Variants in NECTIN3 observed in about 807,000 individuals in gnomAD.
NECTIN3 encodes nectin cell adhesion molecule 3.
NECTIN3 carries 8 observed loss-of-function variants against 49.4 expected under a neutral mutation model. The observed-to-expected ratio is 0.16, with a 90% CI of 0.10 to 0.29. The LOEUF (loss-of-function observed/expected upper bound fraction) is 0.29, where lower values mean the gene tolerates loss of function less well. NECTIN3 is among the 10% of genes least tolerant of loss of function. The probability of loss-of-function intolerance (pLI) is 1.00; values close to 1 mark genes in which losing one functional copy is unlikely to be tolerated. For missense variants in NECTIN3, 581 were observed against 654.6 expected (o/e 0.89, Z 1.23); for synonymous variants, 277 against 241.1 (o/e 1.15, Z -1.38).
intron 1 of NECTIN3, among the ~76,000 whole-genome samples, chr3:111,106,218 G>A (rs2033175553): frequency 6.6e-6 from 1 of 152,062 alleles, no homozygotes; most frequent in South Asian, 2.1e-4. Context: ...TCATTAAAAT[G>A]CAAACTGTCT....
intron 2 of NECTIN3, among the ~76,000 whole-genome samples, chr3:111,113,707 T>A (rs765397584): frequency 2.6e-5 from 4 of 152,026 alleles, no homozygotes; most frequent in Non-Finnish European, 5.9e-5. Context: ...TAACACAAAG[T>A]ACTGTATGGC....
intron 1 of NECTIN3, among the ~76,000 whole-genome samples, chr3:111,088,541 G>A (rs748888560): frequency 6.6e-6 from 1 of 151,932 alleles, no homozygotes; most frequent in Non-Finnish European, 1.5e-5. Flanking sequence ...TTAAAGTTGA[G>A]GATATGATTT....
chr3:111,076,900 C>T (rs2031236483), intron 1 of NECTIN3, among the ~76,000 whole-genome samples: 1 of 150,722 alleles, frequency 6.6e-6, no homozygotes, highest in Non-Finnish European at 1.5e-5. Flanking sequence ...GCTTGAACCC[C>T]AGGGGGAGGA....
intron 6 of NECTIN3, chr3:111,145,109 G>A (rs2034842954): frequency 7.0e-7 from 1 of 1,437,514 alleles, no homozygotes; most frequent in Non-Finnish European, 9.4e-7. Flanking sequence ...TACCTTTACA[G>A]CTCCTCATAA....
At position 111,179,884 on chromosome 3, in the gene NECTIN3, C is replaced by G. The variant is rs1041866107; in HGVS notation, c.1222-12467C>G. ...CCAGCCTGGGTGACAGAGCAAGACTCTGTCTCAAAAAAAAAAAAAAAGATC... is the reference window on the plus strand; with the variant it reads ...CCAGCCTGGGTGACAGAGCAAGACTGTGTCTCAAAAAAAAAAAAAAAGATC... On this transcript the variant is annotated intron_variant, in intron 7 of 8. Coordinates refer to the NECTIN3 transcript ENST00000493615. 4.2e-5 allele frequency among the ~76,000 whole-genome samples: 5 copies of G among 119,058 alleles called. No homozygotes were observed. In the East Asian group the frequency reaches 1.2e-3, roughly 28 times the overall value. 78.1% of individuals were successfully genotyped at this position (119,058 alleles called of 152,430 possible).
chr3:111,144,799 CAT>C, intron 5 of NECTIN3: 1 of 1,325,858 alleles, frequency 7.5e-7, no homozygotes, highest in Non-Finnish European at 1.0e-6. Context: ...TCTTGGATAA[CAT>C]ACTTCAGTCA....
intron 1 of NECTIN3, among the ~76,000 whole-genome samples, chr3:111,106,508 TTC>T (rs1185257860): frequency 2.6e-5 from 4 of 152,232 alleles, no homozygotes; most frequent in African/African-American, 4.8e-5. Context: ...ACATGGTTAT[TTC>T]TGTTTGAGTA....
intron 1 of NECTIN3, chr3:111,193,161 C>T (rs932036517): frequency 1.3e-6 from 2 of 1,499,812 alleles, no homozygotes; most frequent in South Asian, 1.2e-5. Flanking sequence ...AAAATGCAAA[C>T]AGCTGCTCTG....
intron 1 of NECTIN3, among the ~76,000 whole-genome samples, chr3:111,103,838 T>C (rs1470366131): frequency 6.6e-6 from 1 of 152,184 alleles, no homozygotes; most frequent in Non-Finnish European, 1.5e-5. Context: ...CTATTGCTAG[T>C]TGGATGCCCC....
downstream of NECTIN3, among the ~76,000 whole-genome samples, chr3:111,139,861 A>G (rs906778031): frequency 4.0e-5 from 6 of 151,842 alleles, no homozygotes; most frequent in African/African-American, 1.4e-4. Flanking sequence ...AATTTTAGCT[A>G]TCTGATAATA....
rs933323906 is a variant in NECTIN3 at position 111,135,373 on chromosome 3, G to A, written c.*1158G>A. ...GATTTCTGTTTTTACGATTAAAACTGGAAACATGAGGTTTTTTGTTTTTGT... is the reference window on the plus strand; with the variant it reads ...GATTTCTGTTTTTACGATTAAAACTAGAAACATGAGGTTTTTTGTTTTTGT... On this transcript the variant is annotated 3_prime_UTR_variant, in exon 6 of 6. Transcript: ENST00000485303. 23 of 934,040 alleles carry A rather than the reference G, an allele frequency of 2.5e-5. No individual in the cohort carries two copies. The African/African-American group carries it at 4.1e-4, about 17-fold the overall frequency. 57.9% of individuals were successfully genotyped at this position (934,040 alleles called of 1,614,324 possible). A position where few individuals can be genotyped will look rare whatever the true frequency, so the allele number is the denominator to read the frequency against.
intron 1 of NECTIN3, 86 bp downstream of exon 1, chr3:111,072,263 T>G: frequency 6.8e-7 from 1 of 1,471,522 alleles, no homozygotes. Context: ...AGCCGTTCTC[T>G]GGAGCAGCGA....
rs2035633735 is a variant in NECTIN3 at position 111,181,941 on chromosome 3, A to G, written c.1222-10410A>G. Among the ~76,000 whole-genome samples the G allele has an allele frequency of 2.0e-5, 3 of 151,698 alleles. 1 individual carries two copies. The South Asian group carries it at 6.2e-4, about 31-fold the overall frequency. On this transcript the variant is annotated intron_variant, in intron 7 of 8. Coordinates refer to the NECTIN3 transcript ENST00000493615. ...TCTTTTTTCAGTTTCTTAAGCTTAG[A>G]TCATTAATTTCAGTCCTTTCTTCTT...
At chr3:111,162,627 G>A (rs1236894989) in intron 7 of NECTIN3, among the ~76,000 whole-genome samples, 3 of 152,156 alleles carry the variant, frequency 2.0e-5, no homozygotes, top group East Asian at 1.9e-4. Context: ...AGAAGTCTCA[G>A]ATAAATTCAC....
At chr3:111,175,175 G>A (rs1383656133) in intron 7 of NECTIN3, among the ~76,000 whole-genome samples, 3 of 151,564 alleles carry the variant, frequency 2.0e-5, no homozygotes, top group South Asian at 2.1e-4. Flanking sequence ...ACATTGTTCC[G>A]CCATCCATCT....
At chr3:111,110,627 C>T (rs1353438874) in intron 1 of NECTIN3, among the ~76,000 whole-genome samples, 2 of 151,990 alleles carry the variant, frequency 1.3e-5, no homozygotes, top group South Asian at 2.1e-4. Context: ...AATACTTTCA[C>T]ATTTCATATA....
At chr3:111,111,899 ATGTGTGTGTGTGTGTGTGTGTGTG>A (rs10581136) in intron 1 of NECTIN3, 107 bp from the exon 2 acceptor site, 34 of 581,264 alleles carry the variant, frequency 5.8e-5, no homozygotes, top group Non-Finnish European at 9.9e-5. Context: ...GTGTGTGTGC[ATGTGTGTGTGTGTGTGTGTGTGTG>A]TGTGTGTGTG....
chr3:111,109,513 G>A (rs1191090679), intron 1 of NECTIN3, among the ~76,000 whole-genome samples: 1 of 150,696 alleles, frequency 6.6e-6, no homozygotes, highest in East Asian at 1.9e-4. Flanking sequence ...TCCATCTAGG[G>A]TTTTTTTTTC....
At chr3:111,094,289 C>T (rs72935999) in intron 1 of NECTIN3, among the ~76,000 whole-genome samples, 8,086 of 152,066 alleles carry the variant, frequency 0.053, 311 homozygotes, top group African/African-American at 0.093. Flanking sequence ...CAATATTTCA[C>T]CCATAGGCAT....
Sources: gnomAD v4.1 joint callset for allele counts (sites outside exome capture counted in the v4.1 genomes callset) on GRCh38, gnomAD v4.1.1 for gene constraint, MANE v1.5 for transcripts, NCBI Gene and HGNC (gene_info 2026-07-23, HGNC 2026-07-21) for gene names.